The following CALB2 variants were observed in gnomAD, a reference collection of about 807,000 sequenced individuals.
The protein encoded by CALB2 is calbindin 2.
CALB2 carries 34 observed loss-of-function variants against 45.9 expected under a neutral mutation model. The ratio of observed to expected loss-of-function variants is 0.74; its 90% CI spans 0.56 to 0.99. The LOEUF is 0.99. Ranked by LOEUF, CALB2 falls within the 50% of genes least tolerant of loss-of-function variation. The probability of loss-of-function intolerance (pLI) is 0.00; values close to 1 mark genes in which losing one functional copy is unlikely to be tolerated. For synonymous variants in CALB2, 142 were observed against 129.6 expected, an observed-to-expected ratio of 1.10 and a Z score of -0.65; for missense variants, 344 against 339.3, an observed-to-expected ratio of 1.01 and a Z score of -0.11.
chr16:71,362,095 G>A (rs2042242454), intron 1 of CALB2, among the ~76,000 whole-genome samples: 1 of 152,186 alleles, frequency 6.6e-6, no homozygotes, highest in South Asian at 2.1e-4. Flanking sequence ...TGCTCCGAGT[G>A]GCCCTGACGT....
intron 10 of CALB2, among the ~76,000 whole-genome samples, chr16:71,388,646 G>A (rs1237744122): frequency 6.6e-6 from 1 of 152,076 alleles, no homozygotes; most frequent in African/African-American, 2.4e-5. Flanking sequence ...GAAGTAGGCT[G>A]GCGAGCTTTA....
chr16:71,382,534 G>T (rs565323475), intron 4 of CALB2, among the ~76,000 whole-genome samples, 185 bp from the exon 5 acceptor site: 39 of 152,342 alleles, frequency 2.6e-4, no homozygotes, highest in African/African-American at 9.1e-4. Context: ...TCACTGTCGA[G>T]ATACTTCCCT....
chr16:71,379,123 A>G (rs1357438073), intron 4 of CALB2, among the ~76,000 whole-genome samples: 1 of 152,066 alleles, frequency 6.6e-6, no homozygotes, highest in Admixed American at 6.6e-5. Flanking sequence ...CTACAGATGC[A>G]AAAATTAGCT....
intron 1 of CALB2, among the ~76,000 whole-genome samples, chr16:71,363,767 T>C (rs957110672): frequency 1.3e-4 from 20 of 152,340 alleles, no homozygotes; most frequent in Non-Finnish European, 2.4e-4. Context: ...AGTGTTTATA[T>C]AAATGACACA....
chr16:71,381,874 G>T (rs1047782476), intron 4 of CALB2, among the ~76,000 whole-genome samples: 1 of 151,840 alleles, frequency 6.6e-6, no homozygotes, highest in Admixed American at 6.6e-5. Flanking sequence ...AATTAGTTGC[G>T]TGTGGTGGTG....
At chr16:71,367,292 G>A (rs1442352047) in intron 1 of CALB2, among the ~76,000 whole-genome samples, 9 of 150,396 alleles carry the variant, frequency 6.0e-5, no homozygotes, top group South Asian at 4.1e-4. Flanking sequence ...TGGTAACCAC[G>A]TCTTTATCGA....
chr16:71,388,345 A>AG (rs2042594297), intron 10 of CALB2, among the ~76,000 whole-genome samples: 2 of 148,398 alleles, frequency 1.3e-5, no homozygotes, highest in African/African-American at 2.4e-5. Context: ...AAAAAAAAAA[A>AG]AAAAAAGAAA....
intron 3 of CALB2, 76 bp from the exon 4 acceptor site, chr16:71,377,591 C>G (rs1353038754): frequency 5.8e-6 from 6 of 1,027,108 alleles, no homozygotes; most frequent in East Asian, 2.4e-5. Flanking sequence ...CCTTTCCATC[C>G]TTCTTAGGGG....
intron 1 of CALB2, among the ~76,000 whole-genome samples, chr16:71,360,820 G>A (rs2042230819): frequency 1.3e-5 from 2 of 152,202 alleles, no homozygotes; most frequent in Admixed American, 1.3e-4. Flanking sequence ...CACAGGGGTT[G>A]ACTTTTCCGA....
chr16:71,360,423 G>A (rs2144945477), intron 1 of CALB2, among the ~76,000 whole-genome samples: 1 of 152,290 alleles, frequency 6.6e-6, no homozygotes, highest in East Asian at 1.9e-4. Flanking sequence ...GAGGGATTGT[G>A]TTTCCAATCC....
Position 71,384,810 on chromosome 16 carries a change from A to C in CALB2, c.601A>C (p.Asn201His). ...CATGAAGCTGACCTCAGAGGAGTTT[A>C]ACGCGATCTTCACATTTTACGACAA... ...QGMKLTSEEFNAIFTFYDKDR... is the reference protein window; with the variant it reads ...QGMKLTSEEFHAIFTFYDKDR... Residue 201 changes from asparagine to histidine, a missense_variant, in exon 9 of 11, where the codon AAC (asparagine) becomes CAC (histidine). Physicochemically the swap from Asn to His is moderately conservative, Grantham distance 68. Transcript: ENST00000302628. The C allele has an allele frequency of 6.2e-7, 1 of 1,607,850 alleles. No homozygotes were observed. Among genetic ancestry groups the C allele is most frequent in the Non-Finnish European group, 8.5e-7 (1 of 1,177,172 alleles).
intron 10 of CALB2, 40 bp downstream of exon 10, chr16:71,385,688 G>C: frequency 6.4e-7 from 1 of 1,567,548 alleles, no homozygotes; most frequent in South Asian, 1.1e-5. Flanking sequence ...TGTCCCCAGG[G>C]CACAGGAGAG....
At chr16:71,359,843 T>C (rs905120417) in intron 1 of CALB2, among the ~76,000 whole-genome samples, 4 of 152,238 alleles carry the variant, frequency 2.6e-5, no homozygotes, top group African/African-American at 7.2e-5. Context: ...AAGATGAGCA[T>C]CCAAAATATC....
intron 10 of CALB2, among the ~76,000 whole-genome samples, chr16:71,386,919 AATG>A (rs2042577126): frequency 6.6e-6 from 1 of 152,178 alleles, no homozygotes. Context: ...GCAGAAAATA[AATG>A]ATAAGGAAGC....
intron 2 of CALB2, among the ~76,000 whole-genome samples, chr16:71,373,358 A>G (rs143903102): frequency 6.6e-6 from 1 of 152,246 alleles, no homozygotes; most frequent in Non-Finnish European, 1.5e-5. Context: ...GATGGGCTTA[A>G]AGGGTTGGAG....
chr16:71,383,930 T>G, intron 6 of CALB2, 40 bp from the exon 7 acceptor site: 1 of 1,611,370 alleles, frequency 6.2e-7, no homozygotes, highest in Middle Eastern at 1.7e-4. Flanking sequence ...GTCAGAGAAA[T>G]TCACAGCAAA....
rs1171021532 is a variant in CALB2 at position 71,366,024 on chromosome 16, C to CTTTTTTTTTTTTTTTT, written c.95-6124_95-6109dup. On this transcript the variant is annotated intron_variant, in intron 1 of 10. Coordinates refer to ENST00000302628, the MANE Select transcript of CALB2 (RefSeq NM_001740.5). ...TCTTTGTTTTCTTCCCTCTCTCTCT[C>CTTTTTTTTTTTTTTTT]TTTTTTTTTTTTTTTTTTTTGAGAT... Among the ~76,000 whole-genome samples the CTTTTTTTTTTTTTTTT allele has an allele frequency of 4.7e-4, 21 of 45,060 alleles. 2 individuals carry two copies. Among genetic ancestry groups the CTTTTTTTTTTTTTTTT allele is most frequent in the African/African-American group, 1.8e-3 (19 of 10,422 alleles). The allele number at this position is 45,060 out of a possible 152,430, so 29.6% of individuals were successfully genotyped here. A position where few individuals can be genotyped will look rare whatever the true frequency, so the allele number is the denominator to read the frequency against.
intron 1 of CALB2, among the ~76,000 whole-genome samples, chr16:71,361,618 C>A (rs985902568): frequency 6.6e-6 from 1 of 152,182 alleles, no homozygotes; most frequent in African/African-American, 2.4e-5. Context: ...GGAGCCACCT[C>A]CCCACCCCTT....
intron 5 of CALB2, among the ~76,000 whole-genome samples, 176 bp downstream of exon 5, chr16:71,382,951 G>T (rs1319634581): frequency 6.6e-6 from 1 of 151,532 alleles, no homozygotes; most frequent in Non-Finnish European, 1.5e-5. Context: ...GTAACATAGA[G>T]CTGCCAGGCT....
Sources: allele counts gnomAD v4.1 joint callset (sites outside exome capture counted in the v4.1 genomes callset), GRCh38; gene constraint gnomAD v4.1.1; transcripts MANE v1.5; gene names NCBI Gene and HGNC (gene_info 2026-07-23, HGNC 2026-07-21).